KANSL1: variants seen among roughly 807,000 people sequenced by gnomAD.
KANSL1 encodes MLL1/MLL complex subunit KANSL1.
KANSL1 carries 22 observed loss-of-function variants against 103.6 expected under a neutral mutation model. The observed-to-expected ratio is 0.21, with a 90% CI of 0.15 to 0.30. KANSL1 has a LOEUF of 0.30. KANSL1 is among the 10% of genes least tolerant of loss of function. The pLI, the probability that KANSL1 is intolerant of heterozygous loss-of-function variation, is 1.00. For missense variants in KANSL1, 1,337 were observed against 1,399.8 expected, an observed-to-expected ratio of 0.96 and a Z score of 0.72; for synonymous variants, 600 against 527.6, an observed-to-expected ratio of 1.14 and a Z score of -1.88.
At chr17:46,180,005 A>G (rs2046706683) in intron 1 of KANSL1, among the ~76,000 whole-genome samples, 2 of 152,166 alleles carry the variant, frequency 1.3e-5, no homozygotes, top group Admixed American at 6.5e-5. Flanking sequence ...CAGAGGTTGC[A>G]GTGAGCTGAG....
At chr17:46,198,163 G>C (rs2047675126), upstream of KANSL1, among the ~76,000 whole-genome samples, 1 of 152,092 alleles carries the variant, frequency 6.6e-6, no homozygotes, top group Admixed American at 6.5e-5. Context: ...AAGCACACAG[G>C]ACCTAGGTAG....
intron 2 of KANSL1, among the ~76,000 whole-genome samples, chr17:46,142,531 T>C (rs1169742566): frequency 1.3e-5 from 2 of 152,158 alleles, no homozygotes; most frequent in Non-Finnish European, 2.9e-5. Flanking sequence ...ACCACTTGAG[T>C]CCTGGAGGTT....
At position 46,038,410 on chromosome 17, in the gene KANSL1, T is replaced by C. The variant is rs998381585; in HGVS notation, c.2541+128A>G. The C allele has an allele frequency of 2.4e-5, 23 of 970,138 alleles. 1 individual carries two copies. The African/African-American group carries it at 3.6e-4, about 15-fold the overall frequency. The allele number at this position is 970,138 out of a possible 1,614,324, so 60.1% of individuals were successfully genotyped here. On this transcript the variant is annotated intron_variant, in intron 10 of 14. Transcript: ENST00000432791. The stretch of plus-strand genomic sequence containing the variant: ...AATGGTACAGACATACATACATATG[T>C]CATGATGAGCTGAGATCCTATAAAT...
chr17:46,171,732 G>T lies in KANSL1; in HGVS notation c.412C>A (p.Leu138Ile). The part of the protein sequence containing the change: ...QPVLEFSLEN[L>I]RTMNTSGQTA... ...TGACCACTCGTATTCATGGTTCTAA[G>T]ATTTTCTAAGGAAAACTCCAAAACT... Residue 138 changes from leucine to isoleucine, a missense_variant, in exon 2 of 15, where the codon CTT becomes ATT. This residue lies in a region of KANSL1 where 557 missense variants were observed against 476.4 expected (regional missense o/e 1.17). Transcript: ENST00000432791. 6 of 1,578,308 alleles carry T rather than the reference G, an allele frequency of 3.8e-6. No individual in the cohort carries two copies. In the Middle Eastern group the frequency reaches 5.1e-4, roughly 135 times the overall value.
intron 2 of KANSL1, among the ~76,000 whole-genome samples, chr17:46,157,789 T>C (rs1381169514): frequency 6.6e-6 from 1 of 152,260 alleles, no homozygotes; most frequent in Non-Finnish European, 1.5e-5. Flanking sequence ...TTAAGCAAGC[T>C]TCATTCTGTT....
intron 6 of KANSL1, 98 bp downstream of exon 6, chr17:46,066,439 T>C: frequency 1.9e-6 from 2 of 1,073,910 alleles, no homozygotes; most frequent in Non-Finnish European, 2.6e-6. Context: ...ACCTTGGTGG[T>C]TAGCCAAGTT....
At chr17:46,105,935 ACACACACACACACC>A (rs1206002971) in intron 2 of KANSL1, among the ~76,000 whole-genome samples, 1,853 of 91,016 alleles carry the variant, frequency 0.02, 57 homozygotes, top group African/African-American at 0.06. Flanking sequence ...ACACACACAC[ACACACACACACACC>A]CCCCCAGAAG....
At chr17:46,212,783 A>G (rs2048204423) in intron 1 of KANSL1, among the ~76,000 whole-genome samples, 1 of 152,224 alleles carries the variant, frequency 6.6e-6, no homozygotes, top group South Asian at 2.1e-4. Context: ...ATATCTTTCA[A>G]AAAAACTAGG....
At chr17:46,066,929 T>C (rs1480173834) in intron 5 of KANSL1, among the ~76,000 whole-genome samples, 197 bp from the exon 6 acceptor site, 1 of 152,232 alleles carries the variant, frequency 6.6e-6, no homozygotes, top group Non-Finnish European at 1.5e-5. Context: ...TGCTTATGTG[T>C]AAGGTTCTTG....
At chr17:46,109,855 C>T (rs898371867) in intron 2 of KANSL1, among the ~76,000 whole-genome samples, 1 of 152,166 alleles carries the variant, frequency 6.6e-6, no homozygotes, top group Non-Finnish European at 1.5e-5. Context: ...TTTTGAAAAA[C>T]GTATACTCCT....
At chr17:46,146,447 A>G (rs1426962492) in intron 2 of KANSL1, among the ~76,000 whole-genome samples, 1 of 152,216 alleles carries the variant, frequency 6.6e-6, no homozygotes, top group Non-Finnish European at 1.5e-5. Flanking sequence ...CACTGATCCT[A>G]AATTGAAAAA....
At chr17:46,118,377 T>C (rs1481125497) in intron 2 of KANSL1, among the ~76,000 whole-genome samples, 1 of 152,262 alleles carries the variant, frequency 6.6e-6, no homozygotes, top group African/African-American at 2.4e-5. Flanking sequence ...ATGTGGCACA[T>C]GATACACAGT....
chr17:46,057,877 T>C (rs759409776), intron 6 of KANSL1, among the ~76,000 whole-genome samples: 12 of 152,218 alleles, frequency 7.9e-5, no homozygotes, highest in Admixed American at 1.3e-4. Flanking sequence ...CTTCTGCTTC[T>C]AGCAGAGTAA....
intron 2 of KANSL1, among the ~76,000 whole-genome samples, chr17:46,105,912 C>G (rs1364011045): frequency 1.3e-4 from 10 of 75,486 alleles, no homozygotes; most frequent in African/African-American, 4.9e-4. Flanking sequence ...CCTTGACACA[C>G]ACACACACAC....
At chr17:46,156,376 TC>T (rs1184419016) in intron 2 of KANSL1, among the ~76,000 whole-genome samples, 1 of 152,050 alleles carries the variant, frequency 6.6e-6, no homozygotes, top group East Asian at 1.9e-4. Context: ...ATACTCCAGA[TC>T]ATCCAGAAAG....
intron 2 of KANSL1, among the ~76,000 whole-genome samples, chr17:46,096,864 ACCT>A (rs1353034695): frequency 6.6e-6 from 1 of 151,514 alleles, no homozygotes; most frequent in African/African-American, 2.4e-5. Flanking sequence ...TGATCCACCC[ACCT>A]CAGCCTCCCA....
intron 2 of KANSL1, among the ~76,000 whole-genome samples, chr17:46,161,130 C>G (rs1311399232): frequency 6.6e-6 from 1 of 151,886 alleles, no homozygotes; most frequent in African/African-American, 2.4e-5. Context: ...AAACGTTGTT[C>G]CCAGCAGGGC....
At chr17:46,095,446 G>A (rs60521849) in intron 2 of KANSL1, among the ~76,000 whole-genome samples, 53,494 of 151,906 alleles carry the variant, frequency 0.35, 9,700 homozygotes, top group South Asian at 0.6. Flanking sequence ...GCCTCAAAAC[G>A]TAGAACTAGA....
rs972507659 is a variant in KANSL1 at position 46,050,414 on chromosome 17, T to C, written c.2020+119A>G. On this transcript the variant is annotated intron_variant, in intron 7 of 14. Coordinates refer to ENST00000432791, the MANE Select transcript of KANSL1 (RefSeq NM_015443.4). ...TGCAAAATTCTAAGAGAAGACTTGG[T>C]TGACGAAAGTTGTACCTTGAAAGTA... The C allele has an allele frequency of 4.8e-6, 5 of 1,039,374 alleles. No homozygotes were observed. The East Asian group carries it at 7.8e-5, about 16-fold the overall frequency. 64.4% of individuals were successfully genotyped at this position (1,039,374 alleles called of 1,614,324 possible).
Sources: gnomAD v4.1 joint callset for allele counts (sites outside exome capture counted in the v4.1 genomes callset) on GRCh38, gnomAD v4.1.1 for gene constraint, gnomAD v4.1.1 regional missense constraint, MANE v1.5 for transcripts, NCBI Gene and HGNC (gene_info 2026-07-23, HGNC 2026-07-21) for gene names.